Variants in WWOX observed in about 807,000 individuals in gnomAD.
The protein encoded by WWOX is WW domain-containing oxidoreductase.
WWOX carries 69 observed loss-of-function variants against 46.2 expected under a neutral mutation model. The ratio of observed to expected loss-of-function variants is 1.49; its 90% CI spans 1.23 to 1.82. The LOEUF (loss-of-function observed/expected upper bound fraction) is 1.82. Among genes scored for constraint, WWOX ranks in the 40% most tolerant of loss-of-function variants. The probability of loss-of-function intolerance (pLI) is 0.00; values close to 1 mark genes in which losing one functional copy is unlikely to be tolerated. For synonymous variants in WWOX, 359 were observed against 202.6 expected, an observed-to-expected ratio of 1.77 and a Z score of -6.56; for missense variants, 919 against 542.6, an observed-to-expected ratio of 1.69 and a Z score of -6.89.
chr16:78,890,378 A>G (rs931662387), intron 8 of WWOX: 1 of 152,180 alleles, frequency 6.6e-6, no homozygotes, highest in Non-Finnish European at 1.5e-5. Flanking sequence ...CTTAAATTTG[A>G]CCTCCATCAT....
chr16:78,664,415 G>A (rs1405757413), intron 8 of WWOX, among the ~76,000 whole-genome samples: 1 of 152,158 alleles, frequency 6.6e-6, no homozygotes, highest in Non-Finnish European at 1.5e-5. Flanking sequence ...AGCAGTCACA[G>A]CTCCTGGCTG....
At chr16:78,406,337 TATATATATATATATATA>T (rs1567553429) in intron 6 of WWOX, among the ~76,000 whole-genome samples, 8 of 103,180 alleles carry the variant, frequency 7.8e-5, no homozygotes, top group African/African-American at 4.6e-4. Flanking sequence ...TATATATATA[TATATATATATATATATA>T]TTTTATTATT....
intron 8 of WWOX, among the ~76,000 whole-genome samples, chr16:78,990,178 T>G (rs2046858260): frequency 7.3e-6 from 1 of 137,326 alleles, no homozygotes; most frequent in Admixed American, 7.2e-5. Flanking sequence ...AGGGAGACCT[T>G]GTCTCACCAA....
At chr16:79,205,619 T>A (rs1408723779) in intron 8 of WWOX, 1 of 152,210 alleles carries the variant, frequency 6.6e-6, no homozygotes, top group Non-Finnish European at 1.5e-5. Context: ...AGTGCATTCC[T>A]CTTCTATAAT....
intron 8 of WWOX, among the ~76,000 whole-genome samples, chr16:78,462,986 C>G (rs1271552597): frequency 1.3e-5 from 2 of 152,208 alleles, no homozygotes; most frequent in African/African-American, 4.8e-5. Flanking sequence ...GTCCTCTGAT[C>G]TCTCCTCTTT....
intron 4 of WWOX, among the ~76,000 whole-genome samples, chr16:78,143,095 G>C (rs1370955797): frequency 6.6e-6 from 1 of 152,192 alleles, no homozygotes; most frequent in Non-Finnish European, 1.5e-5. Flanking sequence ...AGCCAATGTA[G>C]CTATAGCACA....
At chr16:78,448,987 A>C in intron 8 of WWOX, among the ~76,000 whole-genome samples, 1 of 152,186 alleles carries the variant, frequency 6.6e-6, no homozygotes, top group East Asian at 1.9e-4. Flanking sequence ...ACTTTTTATC[A>C]CAGGTGTCCT....
At position 78,628,680 on chromosome 16, in the gene WWOX, C is replaced by T. The variant is rs185081576; in HGVS notation, c.1056+195928C>T. Among the ~76,000 whole-genome samples the T allele has an allele frequency of 3.1e-3, 466 of 152,146 alleles. 2 individuals carry two copies. The highest frequency in any genetic ancestry group is 0.011 in the African/African-American group (436 of 41,506). The stretch of plus-strand genomic sequence containing the variant: ...TGCAAAATAAACACCATGGTCACTC[C>T]GTGCTTTGTGAGTGACGTGCTAGAA... On this transcript the variant is annotated intron_variant, in intron 8 of 8. Coordinates refer to ENST00000566780, the MANE Select transcript of WWOX (RefSeq NM_016373.4).
chr16:78,836,829 G>A (rs750803916), intron 8 of WWOX, among the ~76,000 whole-genome samples: 5 of 152,084 alleles, frequency 3.3e-5, no homozygotes, highest in African/African-American at 4.8e-5. Flanking sequence ...TCCTAATCAC[G>A]GGACTGAGAT....
At chr16:78,982,452 G>T (rs995288862) in intron 8 of WWOX, among the ~76,000 whole-genome samples, 2 of 152,210 alleles carry the variant, frequency 1.3e-5, no homozygotes, top group Admixed American at 1.3e-4. Flanking sequence ...ACTGCATTCA[G>T]GCCCTTCCTG....
chr16:78,491,346 C>A (rs1409341617), intron 8 of WWOX, among the ~76,000 whole-genome samples: 1 of 152,294 alleles, frequency 6.6e-6, no homozygotes, highest in Middle Eastern at 3.4e-3. Context: ...AGTTTTATTC[C>A]CTGTTTAACC....
At chr16:78,877,227 A>T (rs2044251354) in intron 8 of WWOX, among the ~76,000 whole-genome samples, 1 of 152,178 alleles carries the variant, frequency 6.6e-6, no homozygotes, top group Non-Finnish European at 1.5e-5. Context: ...GCTGATTAAA[A>T]GGCAAAATCG....
At chr16:78,960,290 G>A (rs1292872886) in intron 8 of WWOX, among the ~76,000 whole-genome samples, 1 of 152,152 alleles carries the variant, frequency 6.6e-6, no homozygotes, top group Non-Finnish European at 1.5e-5. Context: ...AAAATGATAG[G>A]ACTAGGCTTC....
intron 8 of WWOX, among the ~76,000 whole-genome samples, chr16:78,526,927 G>A (rs1182680991): frequency 1.3e-5 from 2 of 152,210 alleles, no homozygotes; most frequent in Non-Finnish European, 1.5e-5. Context: ...CACTTTGGGA[G>A]GCCGAGGCAG....
At chr16:78,713,131 G>C (rs764655935) in intron 8 of WWOX, among the ~76,000 whole-genome samples, 3 of 151,824 alleles carry the variant, frequency 2.0e-5, no homozygotes, top group Non-Finnish European at 2.9e-5. Context: ...ACTTAGCTGG[G>C]CATGGTGGTG....
At chr16:79,102,167 G>A (rs1486196047) in intron 8 of WWOX, among the ~76,000 whole-genome samples, 1 of 151,984 alleles carries the variant, frequency 6.6e-6, no homozygotes, top group East Asian at 1.9e-4. Flanking sequence ...TGAGGAATCA[G>A]TGAGAAATGT....
At chr16:78,352,721 A>G (rs978412176) in intron 5 of WWOX, among the ~76,000 whole-genome samples, 1 of 152,204 alleles carries the variant, frequency 6.6e-6, no homozygotes, top group South Asian at 2.1e-4. Context: ...TAGTTCATGA[A>G]CATATTGGGG....
chr16:79,171,001 A>C (rs1169151783), intron 8 of WWOX, among the ~76,000 whole-genome samples: 1 of 152,214 alleles, frequency 6.6e-6, no homozygotes, highest in Non-Finnish European at 1.5e-5. Context: ...GATGTTGGGA[A>C]ATGTTTCCAA....
At chr16:78,380,158 C>T (rs1382576494) in intron 5 of WWOX, among the ~76,000 whole-genome samples, 1 of 152,084 alleles carries the variant, frequency 6.6e-6, no homozygotes, top group Non-Finnish European at 1.5e-5. Flanking sequence ...CAGCATGAGG[C>T]AGTTACAGAT....
Sources: gnomAD v4.1 joint callset for allele counts (sites outside exome capture counted in the v4.1 genomes callset) on GRCh38, gnomAD v4.1.1 for gene constraint, MANE v1.5 for transcripts, NCBI Gene and HGNC (gene_info 2026-07-23, HGNC 2026-07-21) for gene names.